The following RPS6KA2 variants were observed in gnomAD, a reference collection of about 807,000 sequenced individuals.
RPS6KA2 encodes the protein ribosomal protein S6 kinase A2, also known as ribosomal protein S6 kinase alpha-2.
RPS6KA2 carries 42 observed loss-of-function variants against 91.8 expected under a neutral mutation model. The ratio of observed to expected loss-of-function variants is 0.46; its 90% CI spans 0.36 to 0.59. The LOEUF (loss-of-function observed/expected upper bound fraction) is 0.59. RPS6KA2 is among the 20% of genes least tolerant of loss of function. The pLI is 0.00. For missense variants in RPS6KA2, 798 were observed against 978.5 expected (o/e 0.82, Z 2.46); for synonymous variants, 414 against 393.6 (o/e 1.05, Z -0.61).
At chr6:166,824,647 GTGTGTGTGTGTGTGTCTA>G (rs1779989003) in intron 2 of RPS6KA2, among the ~76,000 whole-genome samples, 1 of 14,342 alleles carries the variant, frequency 7.0e-5, no homozygotes, top group East Asian at 4.4e-3. Flanking sequence ...CTGTATGTCT[GTGTGTGTGTGTGTGTCTA>G]TGTGTGTGTC....
chr6:166,747,793 G>A (rs1282629017), intron 2 of RPS6KA2, among the ~76,000 whole-genome samples: 2 of 152,222 alleles, frequency 1.3e-5, no homozygotes, highest in Non-Finnish European at 2.9e-5. Context: ...CCATGGGTAC[G>A]CCTAGCTGGG....
At chr6:166,794,319 C>T (rs1159385147) in intron 2 of RPS6KA2, among the ~76,000 whole-genome samples, 2 of 151,968 alleles carry the variant, frequency 1.3e-5, no homozygotes, top group African/African-American at 4.8e-5. Flanking sequence ...CATCTCATAC[C>T]AGTTAGAATG....
chr6:166,697,580 C>T (rs4337917), intron 2 of RPS6KA2, among the ~76,000 whole-genome samples: 9,099 of 152,312 alleles, frequency 0.06, 318 homozygotes, highest in African/African-American at 0.071. Flanking sequence ...ACAAGAACCA[C>T]ACCCTAAAAG....
At position 166,770,907 on chromosome 6, in the gene RPS6KA2, T is replaced by A; in HGVS notation, c.123+87293A>T. 6.3e-7 allele frequency: 1 copy of A among 1,596,718 alleles called. No individual in the cohort carries two copies. The highest frequency in any genetic ancestry group is 8.5e-7 in the Non-Finnish European group (1 of 1,179,390). ...TTTGTCTTGCAGGCAGCTGAGTCAC[T>A]TTTGCCCTGTGAAAATGGAAACGAA... is the stretch of plus-strand genomic sequence containing the variant. On this transcript the variant is annotated intron_variant, in intron 2 of 21. Transcript: ENST00000503859. The surrounding 1 kb of genome is among the most constrained non-coding windows in gnomAD (Gnocchi z 5.1).
chr6:166,756,162 A>C (rs997377083), intron 2 of RPS6KA2, among the ~76,000 whole-genome samples: 4 of 151,944 alleles, frequency 2.6e-5, no homozygotes, highest in Admixed American at 1.3e-4. Flanking sequence ...TGGTGGCAGG[A>C]GCCTGTAGTC....
At position 166,423,891 on chromosome 6, in the gene RPS6KA2, C is replaced by T. The variant is rs114741389; in HGVS notation, c.1582-474G>A. ...ACCTGCTGTCCTGGGTGCAGCAACT[C>T]GTTGGGGAGACGGACCAGGGCCACG... is the stretch of plus-strand genomic sequence containing the variant. On this transcript the variant is annotated intron_variant, in intron 16 of 20. Transcript: ENST00000265678. This position sits in a 1 kb window ranked among gnomAD's most constrained non-coding sequence, Gnocchi z 4.8. 674 of 153,028 alleles carry T rather than the reference C, an allele frequency of 4.4e-3. 5 individuals are homozygous for T. Among genetic ancestry groups the T allele is most frequent in the African/African-American group, 0.015 (630 of 41,584 alleles). 9.5% of individuals were successfully genotyped at this position (153,028 alleles called of 1,614,324 possible).
At chr6:166,570,253 G>A (rs1398714723) in intron 1 of RPS6KA2, among the ~76,000 whole-genome samples, 1 of 152,140 alleles carries the variant, frequency 6.6e-6, no homozygotes, top group African/African-American at 2.4e-5. Context: ...CTGAAAAATG[G>A]CAGCACCCCG....
chr6:166,791,748 C>T (rs1197789671), intron 2 of RPS6KA2, among the ~76,000 whole-genome samples: 2 of 151,552 alleles, frequency 1.3e-5, no homozygotes, highest in Admixed American at 1.3e-4. Context: ...AATTGAACAA[C>T]GTGCTCTTGA....
In RPS6KA2 at chr6:166,451,149, G is replaced by C. The variant is rs1003055278; in HGVS notation, c.1160C>G (p.Pro387Arg). ...SFVASSLIQEPSQQDLHKVPV... is the reference protein window; with the variant it reads ...SFVASSLIQERSQQDLHKVPV... The stretch of plus-strand genomic sequence containing the variant: ...GACTTTGTGCAGATCTTGCTGTGAG[G>C]GCTCCTGGATCAGGCTTGAGGCCAC... Residue 387 changes from proline (P) to arginine (R), a missense_variant, in exon 13 of 21, where the codon CCC becomes CGC. By Grantham distance (103) the Pro-to-Arg change is moderately radical (BLOSUM62 -2). Coordinates refer to ENST00000265678, the MANE Select transcript of RPS6KA2 (RefSeq NM_021135.6). 8.7e-6 allele frequency: 14 copies of C among 1,614,038 alleles called. No individual in the cohort carries two copies. Among genetic ancestry groups the C allele is most frequent in the Non-Finnish European group, 1.0e-5 (12 of 1,179,984 alleles).
rs113387120 is a variant in RPS6KA2, at chr6:166,852,434, GT to G, written c.123+5765del. On this transcript the variant is annotated intron_variant, in intron 2 of 21. Transcript: ENST00000503859. This position sits in a 1 kb window ranked among gnomAD's most constrained non-coding sequence, Gnocchi z 4.1. Reference sequence around the variant, plus strand: ...ACCAGTTTAGATTGTTTTTCTTTCTGTTTTTTTATGAGGAACAATGGAATTC... The same window carrying G: ...ACCAGTTTAGATTGTTTTTCTTTCTGTTTTTTATGAGGAACAATGGAATTC... Among the ~76,000 whole-genome samples the G allele has an allele frequency of 0.052, 7,926 of 152,154 alleles. 264 individuals carry two copies. Among genetic ancestry groups the G allele is most frequent in the East Asian group, 0.11 (548 of 5,174 alleles).
In RPS6KA2 at chr6:166,538,932, G is replaced by GTTTT. The variant is rs1338843658; in HGVS notation, c.100-152_100-149dup. ...GAAAGTGGAGACACCATTTAGTTGTGTTTTTTTCTTTTTTTTTTCTTAAGA... is the reference window on the plus strand; with the variant it reads ...GAAAGTGGAGACACCATTTAGTTGTGTTTTTTTTTTTCTTTTTTTTTTCTTAAGA... On this transcript the variant is annotated intron_variant, in intron 1 of 20. Coordinates refer to ENST00000265678, the MANE Select transcript of RPS6KA2 (RefSeq NM_021135.6). The GTTTT allele has an allele frequency of 9.0e-4, 444 of 493,134 alleles. 1 individual carries two copies. Among genetic ancestry groups the GTTTT allele is most frequent in the African/African-American group, 6.4e-3 (323 of 50,554 alleles). 30.5% of individuals were successfully genotyped at this position (493,134 alleles called of 1,614,324 possible). A position where few individuals can be genotyped will look rare whatever the true frequency, so the allele number is the denominator to read the frequency against.
chr6:166,667,884 C>T (rs1788359469), intron 2 of RPS6KA2, among the ~76,000 whole-genome samples: 1 of 152,308 alleles, frequency 6.6e-6, no homozygotes, highest in South Asian at 2.1e-4. Flanking sequence ...GACTCTGAAA[C>T]CCCTGGGCCC....
chr6:166,596,821 T>C (rs1785549626), intron 1 of RPS6KA2, among the ~76,000 whole-genome samples: 2 of 152,170 alleles, frequency 1.3e-5, no homozygotes. Flanking sequence ...GAGGAAACAC[T>C]GGGCCTGAAT....
chr6:166,579,359 G>A (rs35872353), intron 1 of RPS6KA2, among the ~76,000 whole-genome samples: 3,418 of 152,148 alleles, frequency 0.022, 54 homozygotes, highest in Middle Eastern at 0.12. Context: ...TTGGCTGCTC[G>A]GGCCCTTCCT....
intron 5 of RPS6KA2, among the ~76,000 whole-genome samples, chr6:166,505,701 C>T (rs939015971): frequency 3.9e-5 from 6 of 152,238 alleles, no homozygotes; most frequent in African/African-American, 7.2e-5. Context: ...GGGCTGGACA[C>T]GCAGGCTCTG....
rs901259065 is a variant in RPS6KA2, at chr6:166,639,270, C to T, written c.124-100486G>A. Among the ~76,000 whole-genome samples the T allele has an allele frequency of 3.9e-5, 6 of 152,052 alleles. No individual in the cohort carries two copies. Among genetic ancestry groups the T allele is most frequent in the South Asian group, 2.1e-4 (1 of 4,822 alleles). On this transcript the variant is annotated intron_variant, in intron 2 of 21. Transcript: ENST00000503859. This position sits in a 1 kb window ranked among gnomAD's most constrained non-coding sequence, Gnocchi z 4.2. ...GCCCAAACCAGAAGGTAAGACTTACCGTGACCTCCTGACACGTCCTTATTC... is the reference window on the plus strand; with the variant it reads ...GCCCAAACCAGAAGGTAAGACTTACTGTGACCTCCTGACACGTCCTTATTC...
intron 2 of RPS6KA2, among the ~76,000 whole-genome samples, chr6:166,675,898 T>C (rs1788606213): frequency 6.6e-6 from 1 of 152,214 alleles, no homozygotes; most frequent in African/African-American, 2.4e-5. Flanking sequence ...GAGTTCTATA[T>C]GCTGCTTCTG....
intron 2 of RPS6KA2, among the ~76,000 whole-genome samples, chr6:166,695,611 G>A (rs1032163946): frequency 2.0e-5 from 3 of 152,224 alleles, no homozygotes; most frequent in Admixed American, 6.5e-5. Context: ...GCAGGCAAGC[G>A]AGTGTTACCT....
intron 12 of RPS6KA2, among the ~76,000 whole-genome samples, chr6:166,457,667 G>A (rs988491865): frequency 5.3e-5 from 8 of 152,192 alleles, no homozygotes; most frequent in Non-Finnish European, 1.0e-4. Flanking sequence ...TGGTACCAAT[G>A]TGGCCTGGGT....
Sources: gnomAD v4.1 joint callset for allele counts (sites outside exome capture counted in the v4.1 genomes callset) on GRCh38, gnomAD v4.1.1 for gene constraint, Gnocchi (gnomAD v3.1) non-coding constraint, MANE v1.5 for transcripts, NCBI Gene and HGNC (gene_info 2026-07-23, HGNC 2026-07-21) for gene names.